Variants in SLC44A1 observed in about 807,000 individuals in gnomAD.
SLC44A1 encodes solute carrier family 44 member 1.
In SLC44A1, 26 loss-of-function variants were observed where a neutral mutation model predicts 79.3. The ratio of observed to expected loss-of-function variants is 0.33; its 90% CI spans 0.24 to 0.46. SLC44A1 has a LOEUF of 0.46. Among genes scored for constraint, SLC44A1 ranks in the 20% least tolerant of loss-of-function variants. SLC44A1 has a pLI of 1.00. For synonymous variants in SLC44A1, 263 were observed against 286.2 expected (o/e 0.92, Z 0.82); for missense variants, 688 against 798.1 (o/e 0.86, Z 1.66).
intron 15 of SLC44A1, among the ~76,000 whole-genome samples, chr9:105,425,208 C>T (rs569738312): frequency 2.6e-5 from 4 of 152,110 alleles, no homozygotes; most frequent in African/African-American, 9.7e-5. Flanking sequence ...TTTTTGGTGA[C>T]TAAATGGCAT....
At chr9:105,274,049 C>T (rs1408825822) in intron 1 of SLC44A1, among the ~76,000 whole-genome samples, 1 of 152,004 alleles carries the variant, frequency 6.6e-6, no homozygotes. Flanking sequence ...GTAATACTGA[C>T]ACTGATGTTA....
intron 13 of SLC44A1, among the ~76,000 whole-genome samples, chr9:105,379,923 A>G (rs1219536847): frequency 1.3e-5 from 2 of 152,208 alleles, no homozygotes; most frequent in African/African-American, 2.4e-5. Context: ...ACTTGGGTTA[A>G]TAAAAATTGA....
Position 105,358,391 on chromosome 9 carries a change from C to CT in SLC44A1, c.720dup (p.Val241CysfsTer37). 1 of 1,602,414 alleles carries CT rather than the reference C, an allele frequency of 6.2e-7. No individual in the cohort carries two copies. Among genetic ancestry groups the CT allele is most frequent in the Non-Finnish European group, 8.6e-7 (1 of 1,169,582 alleles). The stretch of plus-strand genomic sequence containing the variant: ...GATAATCAGGTATATATCAAGAGTA[C>CT]TTGTGTGGATCTTAACGATTCTGGT... On this transcript the variant is annotated frameshift_variant, in exon 7 of 16. Transcript: ENST00000374720. LOFTEE classifies it high-confidence loss of function.
At chr9:105,422,226 C>G (rs1349332232) in intron 15 of SLC44A1, among the ~76,000 whole-genome samples, 2 of 151,618 alleles carry the variant, frequency 1.3e-5, no homozygotes, top group African/African-American at 4.9e-5. Flanking sequence ...GAAAGGGGCC[C>G]TCATGATCTC....
chr9:105,343,089 C>T (rs979644683), intron 4 of SLC44A1, among the ~76,000 whole-genome samples: 6 of 151,684 alleles, frequency 4.0e-5, no homozygotes, highest in Non-Finnish European at 8.8e-5. Flanking sequence ...TTTTTATTAC[C>T]GTTTCCATTA....
rs1464875862 is a variant in SLC44A1 at position 105,393,090 on chromosome 9, G to C, written c.*4034G>C. The C allele has an allele frequency of 2.0e-6, 2 of 985,250 alleles. No homozygotes were observed. Among genetic ancestry groups the C allele is most frequent in the African/African-American group, 1.7e-5 (1 of 57,234 alleles). 61.0% of individuals were successfully genotyped at this position (985,250 alleles called of 1,614,324 possible). ...CGAGTGCACTATAATGGCTTGCCTA[G>C]AACTGGTAAGAAGTGGTCTGTGAAT... On this transcript the variant is annotated 3_prime_UTR_variant, in exon 16 of 16. Coordinates refer to ENST00000374720, the MANE Select transcript of SLC44A1 (RefSeq NM_080546.5).
At chr9:105,433,792 C>A (rs575100926) in intron 15 of SLC44A1, among the ~76,000 whole-genome samples, 1 of 152,144 alleles carries the variant, frequency 6.6e-6, no homozygotes, top group Non-Finnish European at 1.5e-5. Flanking sequence ...CTAGAAAGTC[C>A]AATCAAGTCA....
chr9:105,281,552 C>T (rs989313420), intron 1 of SLC44A1, among the ~76,000 whole-genome samples: 24 of 152,022 alleles, frequency 1.6e-4, no homozygotes, highest in South Asian at 4.2e-4. Flanking sequence ...GTGTCTGATA[C>T]GGGCCAGGCA....
At chr9:105,373,480 A>G (rs538077158) in intron 12 of SLC44A1, among the ~76,000 whole-genome samples, 2 of 152,374 alleles carry the variant, frequency 1.3e-5, no homozygotes, top group South Asian at 2.1e-4. Flanking sequence ...AGAAGCAGGT[A>G]TAATTGAATG....
intron 3 of SLC44A1, among the ~76,000 whole-genome samples, chr9:105,319,777 A>T (rs1051325715): frequency 1.3e-5 from 2 of 152,198 alleles, no homozygotes; most frequent in African/African-American, 4.8e-5. Context: ...AGTAAGGTTA[A>T]ATTCTTACTA....
chr9:105,312,177 C>G (rs746882492), intron 3 of SLC44A1, among the ~76,000 whole-genome samples: 6 of 152,104 alleles, frequency 3.9e-5, no homozygotes, highest in Non-Finnish European at 7.4e-5. Flanking sequence ...TCAACTATAG[C>G]TCTTTCTTGA....
intron 14 of SLC44A1, among the ~76,000 whole-genome samples, chr9:105,383,841 A>G (rs542696546): frequency 3.3e-5 from 5 of 152,356 alleles, no homozygotes; most frequent in African/African-American, 2.4e-5. Flanking sequence ...ATGAATACCG[A>G]TAACAGACCC....
Position 105,395,170 on chromosome 9 carries a change from C to G in SLC44A1, c.*6114C>G. ...CTGGTGAAGAAAGGAGAAAAGTCAG[C>G]CCCCTACCCCACCCCACACTCCTAG... is the stretch of plus-strand genomic sequence containing the variant. On this transcript the variant is annotated 3_prime_UTR_variant, in exon 16 of 16. Transcript: ENST00000374720. 1 of 985,362 alleles carries G rather than the reference C, an allele frequency of 1.0e-6. No individual in the cohort carries two copies. Among genetic ancestry groups the G allele is most frequent in the Non-Finnish European group, 1.2e-6 (1 of 829,888 alleles). The allele number at this position is 985,362 out of a possible 1,614,324, so 61.0% of individuals were successfully genotyped here. A position where few individuals can be genotyped will look rare whatever the true frequency, so the allele number is the denominator to read the frequency against.
At chr9:105,301,505 A>G (rs1336742303) in intron 2 of SLC44A1, among the ~76,000 whole-genome samples, 2 of 152,224 alleles carry the variant, frequency 1.3e-5, no homozygotes, top group African/African-American at 2.4e-5. Flanking sequence ...CCTTGGCACA[A>G]CAGAGATTCA....
chr9:105,356,521 T>C (rs934103125), intron 6 of SLC44A1, 140 bp downstream of exon 6: 9 of 582,582 alleles, frequency 1.5e-5, no homozygotes, highest in Non-Finnish European at 2.7e-5. Flanking sequence ...TTTCAGATTA[T>C]ATATAGTTAA....
chr9:105,252,902 AT>A (rs1334616257), intron 1 of SLC44A1, among the ~76,000 whole-genome samples: 4 of 152,134 alleles, frequency 2.6e-5, no homozygotes, highest in Non-Finnish European at 5.9e-5. Flanking sequence ...AAATTTAGTA[AT>A]TTTTTTGGCA....
intron 1 of SLC44A1, among the ~76,000 whole-genome samples, chr9:105,281,178 G>A (rs327946): frequency 6.6e-6 from 1 of 152,080 alleles, no homozygotes; most frequent in Admixed American, 6.5e-5. Context: ...TGGCTGGGGC[G>A]TACCCTGGGA....
At chr9:105,295,147 A>G (rs558017807) in intron 1 of SLC44A1, among the ~76,000 whole-genome samples, 1 of 152,262 alleles carries the variant, frequency 6.6e-6, no homozygotes, top group East Asian at 1.9e-4. Context: ...TTGTTTTCCT[A>G]TTCTATAAAT....
intron 10 of SLC44A1, among the ~76,000 whole-genome samples, 176 bp from the exon 11 acceptor site, chr9:105,365,307 T>C (rs967300260): frequency 3.9e-5 from 6 of 152,198 alleles, no homozygotes; most frequent in Admixed American, 3.3e-4. Flanking sequence ...TAATTTTATA[T>C]AGCATGTCTG....
Sources: allele counts gnomAD v4.1 joint callset (sites outside exome capture counted in the v4.1 genomes callset), GRCh38; gene constraint gnomAD v4.1.1; transcripts MANE v1.5; gene names NCBI Gene and HGNC (gene_info 2026-07-23, HGNC 2026-07-21).